The following SPN variants were observed in gnomAD, a reference collection of about 807,000 sequenced individuals.
SPN encodes sialophorin.
Under a neutral mutation model 8.4 loss-of-function variants are expected in SPN, and 6 were observed. The ratio of observed to expected loss-of-function variants is 0.72; its 90% confidence interval spans 0.39 to 1.42. The LOEUF (loss-of-function observed/expected upper bound fraction) is 1.42, where lower values mean the gene tolerates loss of function less well. Ranked by LOEUF, SPN falls within the 40% of genes most tolerant of loss-of-function variation. The pLI, the probability that SPN is intolerant of heterozygous loss-of-function variation, is 0.02. For synonymous variants in SPN, 201 were observed against 222.6 expected (o/e 0.90, Z 0.86); for missense variants, 517 against 530.6 (o/e 0.97, Z 0.25).
chr16:29,667,004 CAGG>C lies in SPN; in HGVS notation c.*2076_*2078del, dbSNP rs1567321695. ...TGACAGCCCTGCTCTGTGGCCTGGG[CAGG>C]AGATGGGGGAAAGGGTCAGGTGGGG... On this transcript the variant is annotated 3_prime_UTR_variant, in exon 2 of 2. Transcript: ENST00000652691. 2.1e-6 allele frequency: 1 copy of C among 470,418 alleles called. No individual in the cohort carries two copies. Among genetic ancestry groups the C allele is most frequent in the East Asian group, 7.0e-5 (1 of 14,388 alleles). The allele number at this position is 470,418 out of a possible 1,614,324, so 29.1% of individuals were successfully genotyped here.
In SPN at chr16:29,664,782, C is replaced by A; in HGVS notation, c.1054C>A (p.Arg352Ser). 3.3e-6 allele frequency: 5 copies of A among 1,499,490 alleles called. No homozygotes were observed. Among genetic ancestry groups the A allele is most frequent in the Non-Finnish European group, 4.4e-6 (5 of 1,127,336 alleles). The allele number at this position is 1,499,490 out of a possible 1,614,324, so 92.9% of individuals were successfully genotyped here. The stretch of plus-strand genomic sequence containing the variant: ...CACTTTCTTTGGCAGACGGAAGTCT[C>A]GCCAGGGCTCCCTGGCGATGGAGGA... ...LTTFFGRRKS[R>S]QGSLAMEELK... The change falls in exon 2 of 2, where the codon CGC (arginine) becomes AGC (serine). Residue 352 changes from arginine to serine, a missense_variant. Physicochemically the swap from Arg to Ser is moderately radical, Grantham distance 110 (BLOSUM62 -1). Coordinates refer to ENST00000652691, the MANE Select transcript of SPN (RefSeq NM_003123.6). This position sits in a 1 kb window ranked among gnomAD's most constrained non-coding sequence, Gnocchi z 6.4.
At position 29,666,558 on chromosome 16, in the gene SPN, G is replaced by GCGCGCGCA. The variant is rs1555490187; in HGVS notation, c.*1634_*1635insACGCGCGC. The GCGCGCGCA allele has an allele frequency of 9.8e-6, 2 of 203,914 alleles. No homozygotes were observed. The highest frequency in any genetic ancestry group is 2.0e-5 in the Non-Finnish European group (2 of 99,042). The allele number at this position is 203,914 out of a possible 1,614,324, so 12.6% of individuals were successfully genotyped here. ...CACACACACACACACACACACGCGC[G>GCGCGCGCA]CGCGCGCGCGCTCTCCTGCGAACAG... On this transcript the variant is annotated 3_prime_UTR_variant, in exon 2 of 2. Transcript: ENST00000652691.
At position 29,665,989 on chromosome 16, in the gene SPN, G is replaced by A. The variant is rs1047757955; in HGVS notation, c.*1058G>A. The stretch of plus-strand genomic sequence containing the variant: ...GTAGTTCTCAGAAACCCCAGTGCCT[G>A]CGTGTGTCCACTCGTGGGTGTGGTT... On this transcript the variant is annotated 3_prime_UTR_variant, in exon 2 of 2. Coordinates refer to ENST00000652691, the MANE Select transcript of SPN (RefSeq NM_003123.6). 3.6e-5 allele frequency: 6 copies of A among 167,078 alleles called. No homozygotes were observed. The highest frequency in any genetic ancestry group is 1.4e-4 in the African/African-American group (6 of 41,406). The allele number at this position is 167,078 out of a possible 1,614,324, so 10.3% of individuals were successfully genotyped here. A position where few individuals can be genotyped will look rare whatever the true frequency, so the allele number is the denominator to read the frequency against.
chr16:29,670,566 G>T lies in SPN; in HGVS notation c.*5635G>T, dbSNP rs1312097256. 4 of 264,106 alleles carry T rather than the reference G, an allele frequency of 1.5e-5. No homozygotes were observed. Among genetic ancestry groups the T allele is most frequent in the Non-Finnish European group, 7.6e-6 (1 of 130,986 alleles). 16.4% of individuals were successfully genotyped at this position (264,106 alleles called of 1,614,324 possible). On this transcript the variant is annotated 3_prime_UTR_variant, in exon 2 of 2. Transcript: ENST00000652691. ...TTAGTTATGAAAATAATTGTAAATGGCTTATTGAACTTATAGTCAGTAAAA... is the reference window on the plus strand; with the variant it reads ...TTAGTTATGAAAATAATTGTAAATGTCTTATTGAACTTATAGTCAGTAAAA...
At position 29,668,018 on chromosome 16, in the gene SPN, T is replaced by G. The variant is rs1322064982; in HGVS notation, c.*3087T>G. 2 of 167,082 alleles carry G rather than the reference T, an allele frequency of 1.2e-5. No individual in the cohort carries two copies. Among genetic ancestry groups the G allele is most frequent in the Non-Finnish European group, 2.9e-5 (2 of 68,132 alleles). The allele number at this position is 167,082 out of a possible 1,614,324, so 10.3% of individuals were successfully genotyped here. ...CGCATGTGTGTGTGCATGCATGTTC[T>G]CCCATGCATGTGTACTGTGGCAAGG... On this transcript the variant is annotated 3_prime_UTR_variant, in exon 2 of 2. Transcript: ENST00000652691.
rs1966764479 is a variant in SPN, at chr16:29,663,762, G to A, written c.34G>A (p.Val12Met). The change falls in exon 2 of 2, where the codon GTG becomes ATG. Residue 12 changes from valine to methionine, a missense_variant. Transcript: ENST00000652691. The surrounding 1 kb of genome is among the most constrained non-coding windows in gnomAD (Gnocchi z 4.3). ...ATLLLLLGVL[V>M]VSPDALGSTT... ...GCTTCTCCTTCTCCTTGGGGTGCTG[G>A]TGGTAAGCCCAGACGCTCTGGGGAG... The A allele has an allele frequency of 6.3e-7, 1 of 1,597,202 alleles. No homozygotes were observed. The highest frequency in any genetic ancestry group is 8.5e-7 in the Non-Finnish European group (1 of 1,172,620).
rs952423819 is a variant in SPN, at chr16:29,667,828, T to C, written c.*2897T>C. The C allele has an allele frequency of 1.2e-5, 2 of 164,514 alleles. No individual in the cohort carries two copies. The highest frequency in any genetic ancestry group is 1.5e-5 in the Non-Finnish European group (1 of 68,094). The allele number at this position is 164,514 out of a possible 1,614,324, so 10.2% of individuals were successfully genotyped here. On this transcript the variant is annotated 3_prime_UTR_variant, in exon 2 of 2. Coordinates refer to ENST00000652691, the MANE Select transcript of SPN (RefSeq NM_003123.6). ...AGAGAGGCACAAACAGTGTTATGAA[T>C]GCACCAAGGAAAATGGTGCATTCAT...
rs758704658 is a variant in SPN at position 29,670,018 on chromosome 16, A to G, written c.*5087A>G. ...ACCAGCCTGGGCAACATAGACCCCT[A>G]TCTCTACAAAAAATTTGAAATATGA... On this transcript the variant is annotated 3_prime_UTR_variant, in exon 2 of 2. Transcript: ENST00000652691. 3 of 166,796 alleles carry G rather than the reference A, an allele frequency of 1.8e-5. No individual in the cohort carries two copies. Among genetic ancestry groups the G allele is most frequent in the Non-Finnish European group, 4.4e-5 (3 of 68,110 alleles). The allele number at this position is 166,796 out of a possible 1,614,324, so 10.3% of individuals were successfully genotyped here. A position where few individuals can be genotyped will look rare whatever the true frequency, so the allele number is the denominator to read the frequency against.
chr16:29,666,821 C>A lies in SPN; in HGVS notation c.*1890C>A. 1 of 452,570 alleles carries A rather than the reference C, an allele frequency of 2.2e-6. No homozygotes were observed. The highest frequency in any genetic ancestry group is 1.6e-5 in the South Asian group (1 of 61,022). 28.0% of individuals were successfully genotyped at this position (452,570 alleles called of 1,614,324 possible). ...TCAATGGTGCTGCCTTTGAGACCAG[C>A]CCAGGCTACAGCCCAGGAGCACACA... is the stretch of plus-strand genomic sequence containing the variant. On this transcript the variant is annotated 3_prime_UTR_variant, in exon 2 of 2. Transcript: ENST00000652691.
rs1408534792 is a variant in SPN, at chr16:29,666,872, G to A, written c.*1941G>A. 8 of 470,630 alleles carry A rather than the reference G, an allele frequency of 1.7e-5. No homozygotes were observed. Among genetic ancestry groups the A allele is most frequent in the South Asian group, 7.7e-5 (5 of 64,556 alleles). The allele number at this position is 470,630 out of a possible 1,614,324, so 29.2% of individuals were successfully genotyped here. Reference sequence around the variant, plus strand: ...TGGGCCAGGGCAGTTGGTATTTCCCGAGGACAAAGAGGAAATTTTCAAAGA... The same window carrying A: ...TGGGCCAGGGCAGTTGGTATTTCCCAAGGACAAAGAGGAAATTTTCAAAGA... On this transcript the variant is annotated 3_prime_UTR_variant, in exon 2 of 2. Transcript: ENST00000652691.
At position 29,666,524 on chromosome 16, in the gene SPN, T is replaced by TCACA. The variant is rs61534947; in HGVS notation, c.*1619_*1622dup. ...TGCGCTCTCTCTCTCTCTCTCTCTC[T>TCACA]CACACACACACACACACACACACAC... On this transcript the variant is annotated 3_prime_UTR_variant, in exon 2 of 2. Transcript: ENST00000652691. 1,575 of 137,494 alleles carry TCACA rather than the reference T, an allele frequency of 0.011. 16 individuals carry two copies. The highest frequency in any genetic ancestry group is 0.014 in the African/African-American group (435 of 32,048). 8.5% of individuals were successfully genotyped at this position (137,494 alleles called of 1,614,324 possible).
At chr16:29,663,195 G>T (rs1596769450), upstream of SPN, 1 of 152,238 alleles carries the variant, frequency 6.6e-6, no homozygotes, top group African/African-American at 2.4e-5. This position sits in a 1 kb window ranked among gnomAD's most constrained non-coding sequence, Gnocchi z 4.3. Flanking sequence ...GGGTGGGTGG[G>T]GTGGGTGGAG....
In SPN at chr16:29,663,901, C is replaced by T; in HGVS notation, c.173C>T (p.Thr58Ile). The T allele has an allele frequency of 6.2e-7, 1 of 1,614,128 alleles. No homozygotes were observed. Among genetic ancestry groups the T allele is most frequent in the Non-Finnish European group, 8.5e-7 (1 of 1,180,008 alleles). Reference sequence around the variant, plus strand: ...ACAAGTGACCCTAAGGCCGACAGCACTGGGGACCAGACCTCAGCCCTACCT... The same window carrying T: ...ACAAGTGACCCTAAGGCCGACAGCATTGGGGACCAGACCTCAGCCCTACCT... ...SITSDPKADS[T>I]GDQTSALPPS... The change falls in exon 2 of 2, where the codon ACT becomes ATT. Residue 58 changes from threonine (T) to isoleucine (I), a missense_variant. Thr to Ile is a moderately conservative substitution (Grantham distance 89, BLOSUM62 -1). Transcript: ENST00000652691. The surrounding 1 kb of genome is among the most constrained non-coding windows in gnomAD (Gnocchi z 4.3).
At position 29,667,101 on chromosome 16, in the gene SPN, A is replaced by G. The variant is rs577977685; in HGVS notation, c.*2170A>G. ...GAAGGGGCTTGCTTAGTGGGTGGGA[A>G]GAGCTGAGCTCGGATGGAACCAGCT... On this transcript the variant is annotated 3_prime_UTR_variant, in exon 2 of 2. Transcript: ENST00000652691. 23 of 457,964 alleles carry G rather than the reference A, an allele frequency of 5.0e-5. No individual in the cohort carries two copies. Among genetic ancestry groups the G allele is most frequent in the South Asian group, 3.4e-4 (22 of 63,786 alleles). The allele number at this position is 457,964 out of a possible 1,614,324, so 28.4% of individuals were successfully genotyped here.
Position 29,666,881 on chromosome 16 carries a change from G to C in SPN, c.*1950G>C, listed in dbSNP as rs1173483843. 2.1e-6 allele frequency: 1 copy of C among 470,764 alleles called. No individual in the cohort carries two copies. Among genetic ancestry groups the C allele is most frequent in the Non-Finnish European group, 4.4e-6 (1 of 226,870 alleles). The allele number at this position is 470,764 out of a possible 1,614,324, so 29.2% of individuals were successfully genotyped here. A position where few individuals can be genotyped will look rare whatever the true frequency, so the allele number is the denominator to read the frequency against. The stretch of plus-strand genomic sequence containing the variant: ...GCAGTTGGTATTTCCCGAGGACAAA[G>C]AGGAAATTTTCAAAGAGGAAGTTGT... On this transcript the variant is annotated 3_prime_UTR_variant, in exon 2 of 2. Transcript: ENST00000652691.
In SPN at chr16:29,668,006, GCA is replaced by G. The variant is rs1966838823; in HGVS notation, c.*3076_*3077del. 1 of 167,040 alleles carries G rather than the reference GCA, an allele frequency of 6.0e-6. No homozygotes were observed. The highest frequency in any genetic ancestry group is 1.5e-5 in the Non-Finnish European group (1 of 68,140). The allele number at this position is 167,040 out of a possible 1,614,324, so 10.3% of individuals were successfully genotyped here. On this transcript the variant is annotated 3_prime_UTR_variant, in exon 2 of 2. Coordinates refer to ENST00000652691, the MANE Select transcript of SPN (RefSeq NM_003123.6). ...TGTGTGTGTGCGCGCATGTGTGTGTGCATGCATGTTCTCCCATGCATGTGTAC... is the reference window on the plus strand; with the variant it reads ...TGTGTGTGTGCGCGCATGTGTGTGTGTGCATGTTCTCCCATGCATGTGTAC...
In SPN at chr16:29,665,414, CT is replaced by C. The variant is rs1265541268; in HGVS notation, c.*484del. 1 of 167,682 alleles carries C rather than the reference CT, an allele frequency of 6.0e-6. No individual in the cohort carries two copies. The highest frequency in any genetic ancestry group is 1.5e-5 in the Non-Finnish European group (1 of 68,612). The allele number at this position is 167,682 out of a possible 1,614,324, so 10.4% of individuals were successfully genotyped here. ...AGGCTTCTCAGCCCTGGATTTCCTG[CT>C]GCCATCCTCACCCAGCACCCACAAC... On this transcript the variant is annotated 3_prime_UTR_variant, in exon 2 of 2. Transcript: ENST00000652691.
rs996275612 is a variant in SPN, at chr16:29,668,726, G to GTGTGAGCCAGGGATTATAGA, written c.*3804_*3805insGGGATTATAGATGTGAGCCA. 1.8e-5 allele frequency: 3 copies of GTGTGAGCCAGGGATTATAGA among 166,988 alleles called. No individual in the cohort carries two copies. The highest frequency in any genetic ancestry group is 1.9e-4 in the East Asian group (1 of 5,204). The allele number at this position is 166,988 out of a possible 1,614,324, so 10.3% of individuals were successfully genotyped here. A position where few individuals can be genotyped will look rare whatever the true frequency, so the allele number is the denominator to read the frequency against. On this transcript the variant is annotated 3_prime_UTR_variant, in exon 2 of 2. Transcript: ENST00000652691. ...GCTTCCCCAAATACTGGGATTATAG[G>GTGTGAGCCAGGGATTATAGA]TGTGAGCCACTGTGCCCAGGCTTGC...
At position 29,666,938 on chromosome 16, in the gene SPN, C is replaced by T. The variant is rs569444762; in HGVS notation, c.*2007C>T. 2 of 470,840 alleles carry T rather than the reference C, an allele frequency of 4.2e-6. No homozygotes were observed. Among genetic ancestry groups the T allele is most frequent in the Admixed American group, 2.3e-5 (1 of 42,570 alleles). The allele number at this position is 470,840 out of a possible 1,614,324, so 29.2% of individuals were successfully genotyped here. ...AGAGCTTGCGGTGGCTGAGAGCAGA[C>T]AGGTTGACCTGCAAAAAAAGACAGG... On this transcript the variant is annotated 3_prime_UTR_variant, in exon 2 of 2. Coordinates refer to ENST00000652691, the MANE Select transcript of SPN (RefSeq NM_003123.6).
Sources: allele counts gnomAD v4.1 joint callset, GRCh38; gene constraint gnomAD v4.1.1; non-coding constraint Gnocchi (gnomAD v3.1); transcripts MANE v1.5; gene names NCBI Gene and HGNC (gene_info 2026-07-23, HGNC 2026-07-21).